Variants in ASMTL observed in about 807,000 individuals in gnomAD.
The protein encoded by ASMTL is probable bifunctional dTTP/UTP pyrophosphatase/methyltransferase protein.
In ASMTL, 57 loss-of-function variants were observed where a neutral mutation model predicts 60.3. The ratio of observed to expected loss-of-function variants is 0.95; its 90% confidence interval spans 0.76 to 1.18. The LOEUF (loss-of-function observed/expected upper bound fraction) is 1.18, where lower values mean the gene tolerates loss of function less well. Among genes scored for constraint, ASMTL ranks in the 50% most tolerant of loss-of-function variants. The pLI, the probability that ASMTL is intolerant of heterozygous loss-of-function variation, is 0.00. For synonymous variants in ASMTL, 419 were observed against 373.0 expected (o/e 1.12, Z -1.42); for missense variants, 981 against 852.6 (o/e 1.15, Z -1.88).
rs746291044 is a variant in ASMTL, at chrX:1,427,525, G to A, written c.897+209C>T. 2.6e-5 allele frequency among the ~76,000 whole-genome samples: 4 copies of A among 151,798 alleles called. No individual in the cohort carries two copies. The East Asian group carries it at 5.8e-4, about 22-fold the overall frequency. On this transcript the variant is annotated intron_variant, in intron 7 of 12. Coordinates refer to ENST00000381317, the MANE Select transcript of ASMTL (RefSeq NM_004192.4). ...GACGTGGCAGAGACTGGAGTGATGC[G>A]GCCACAAGCCCAGGGATGCCTGGAG...
At chrX:1,422,882 G>A (rs1205339900) in intron 8 of ASMTL, among the ~76,000 whole-genome samples, 2 of 152,156 alleles carry the variant, frequency 1.3e-5, no homozygotes, top group Non-Finnish European at 2.9e-5. Context: ...GTCAAAAGGA[G>A]TTGGAACAAG....
rs377559331 is a variant in ASMTL at position 1,435,655 on chromosome X, C to A, written c.338+39G>T. ...CAGATACCACAGCTACTCTGTGGCT[C>A]AGAACCCGAGAGGGCTCAGAGGCCA... On this transcript the variant is annotated intron_variant, in intron 4 of 12. Coordinates refer to ENST00000381317, the MANE Select transcript of ASMTL (RefSeq NM_004192.4). 32 of 1,608,520 alleles carry A rather than the reference C, an allele frequency of 2.0e-5. No individual in the cohort carries two copies. In the African/African-American group the frequency reaches 3.6e-4, roughly 18 times the overall value.
chrX:1,450,475 G>A (rs1191393287), intron 1 of ASMTL, among the ~76,000 whole-genome samples: 2 of 148,524 alleles, frequency 1.3e-5, no homozygotes, highest in Admixed American at 6.7e-5. Flanking sequence ...CATTCCTAGG[G>A]GTCTTGGATT....
intron 9 of ASMTL, among the ~76,000 whole-genome samples, chrX:1,421,084 T>C (rs2090473144): frequency 6.6e-6 from 1 of 151,970 alleles, no homozygotes; most frequent in African/African-American, 2.4e-5. Context: ...CTCAGCCTCT[T>C]GAGTAGCTGG....
chrX:1,453,015 G>C (rs1160227825), upstream of ASMTL: 12 of 535,634 alleles, frequency 2.2e-5, no homozygotes, highest in African/African-American at 2.8e-4. Flanking sequence ...CCGCGAGACC[G>C]CGCCCAGGCC....
chrX:1,434,760 C>A (rs1342257471), intron 5 of ASMTL, among the ~76,000 whole-genome samples: 16 of 149,098 alleles, frequency 1.1e-4, no homozygotes, highest in Admixed American at 3.3e-4. Flanking sequence ...GTGCCACTGC[C>A]CTCCAGCCTG....
chrX:1,415,213 T>TGG (rs1211801556), intron 11 of ASMTL, among the ~76,000 whole-genome samples: 4 of 4,198 alleles, frequency 9.5e-4, no homozygotes, highest in African/African-American at 1.1e-3. Flanking sequence ...AGGGCTGGGA[T>TGG]TCCAGGCGTC....
intron 12 of ASMTL, among the ~76,000 whole-genome samples, chrX:1,407,473 G>A (rs1818265746): frequency 6.8e-6 from 1 of 148,120 alleles, no homozygotes; most frequent in Admixed American, 6.7e-5. Flanking sequence ...ATGAATAGAT[G>A]GATAGATGGA....
At chrX:1,415,611 G>A (rs62605746) in intron 11 of ASMTL, among the ~76,000 whole-genome samples, 140,574 of 150,942 alleles carry the variant, frequency 0.93, 66,046 homozygotes, top group East Asian at 1. Context: ...GATTACAGGC[G>A]CCCGCCACCA....
At position 1,418,097 on chromosome X, in the gene ASMTL, G is replaced by A. The variant is rs1486456252; in HGVS notation, c.1398C>T (p.Ala466=). 6.3e-5 allele frequency: 101 copies of A among 1,610,112 alleles called. No homozygotes were observed. Among genetic ancestry groups the A allele is most frequent in the Non-Finnish European group, 8.2e-5 (96 of 1,177,430 alleles). ...GAGGGTACTCACGGGCCAGCTCTCGGGCCAGTGCACCCGTGCAGCCTGCGG... is the reference window on the plus strand; with the variant it reads ...GAGGGTACTCACGGGCCAGCTCTCGAGCCAGTGCACCCGTGCAGCCTGCGG... The part of the protein sequence containing the change: ...CDVGGCTGAL[A]RELAREYPRM... Residue 466 remains alanine, a synonymous_variant, in exon 11 of 13, where the codon GCC becomes GCT. Transcript: ENST00000381317.
At chrX:1,413,492 T>C (rs866846406) in intron 11 of ASMTL, among the ~76,000 whole-genome samples, 1 of 151,520 alleles carries the variant, frequency 6.6e-6, no homozygotes, top group South Asian at 2.1e-4. Flanking sequence ...GGTGATCCCC[T>C]GATTCAGGCG....
upstream of ASMTL, among the ~76,000 whole-genome samples, chrX:1,453,353 C>A (rs779321303): frequency 1.1e-4 from 17 of 151,960 alleles, no homozygotes; most frequent in South Asian, 2.5e-3. Context: ...GCCCGCCTCC[C>A]CCCCGGGCAC....
intron 12 of ASMTL, 36 bp downstream of exon 12, chrX:1,412,696 T>C: frequency 6.2e-7 from 1 of 1,613,858 alleles, no homozygotes. Flanking sequence ...ATACTACGTC[T>C]TAACAAAAAC....
At chrX:1,415,709 G>A (rs28375391) in intron 11 of ASMTL, among the ~76,000 whole-genome samples, 140,561 of 152,050 alleles carry the variant, frequency 0.92, 65,749 homozygotes, top group East Asian at 1. Flanking sequence ...CAGGGGATCC[G>A]CCCGCCTCAG....
chrX:1,442,778 G>A (rs1469621579), intron 1 of ASMTL, among the ~76,000 whole-genome samples: 1 of 152,164 alleles, frequency 6.6e-6, no homozygotes, highest in African/African-American at 2.4e-5. Context: ...AGACAATGAT[G>A]GCTCTACGTC....
intron 11 of ASMTL, among the ~76,000 whole-genome samples, chrX:1,416,374 T>A (rs1303726742): frequency 5.1e-5 from 3 of 59,374 alleles, no homozygotes; most frequent in Non-Finnish European, 1.2e-4. Flanking sequence ...GACGCAGACA[T>A]GCACAGATGG....
At chrX:1,431,163 AT>A (rs1422831184) in intron 6 of ASMTL, among the ~76,000 whole-genome samples, 1 of 123,816 alleles carries the variant, frequency 8.1e-6, no homozygotes, top group African/African-American at 3.4e-5. Flanking sequence ...TATAATTTAT[AT>A]TTATATAATT....
chrX:1,413,731 C>CTT (rs2090124802), intron 11 of ASMTL: 1 of 152,198 alleles, frequency 6.6e-6, no homozygotes, highest in Non-Finnish European at 1.5e-5. Flanking sequence ...GTAGGGTGTC[C>CTT]CCTAAATCCA....
chrX:1,424,414 A>G (rs1369511296), intron 8 of ASMTL, among the ~76,000 whole-genome samples: 1 of 148,084 alleles, frequency 6.8e-6, no homozygotes, highest in Non-Finnish European at 1.5e-5. Flanking sequence ...CTATTCACCC[A>G]CACTCCCAAT....
Sources: gnomAD v4.1 joint callset for allele counts (sites outside exome capture counted in the v4.1 genomes callset) on GRCh38, gnomAD v4.1.1 for gene constraint, MANE v1.5 for transcripts, NCBI Gene and HGNC (gene_info 2026-07-23, HGNC 2026-07-21) for gene names.